Variants in EYS observed in about 807,000 individuals in gnomAD.
EYS encodes the protein EGF-like photoreceptor maintenance factor.
A neutral mutation model predicts 282.1 loss-of-function variants in EYS; 250 were observed. The observed-to-expected ratio is 0.89, with a 90% CI of 0.80 to 0.98. The LOEUF is 0.98. Among genes scored for constraint, EYS ranks in the 50% least tolerant of loss-of-function variants. The pLI, the probability that EYS is intolerant of heterozygous loss-of-function variation, is 0.00. For missense variants in EYS, 4,016 were observed against 3,709.0 expected (o/e 1.08, Z -2.15); for synonymous variants, 1,355 against 1,282.9 (o/e 1.06, Z -1.20).
intron 22 of EYS, among the ~76,000 whole-genome samples, chr6:64,678,813 C>A (rs1315333192): frequency 6.6e-6 from 1 of 151,872 alleles, no homozygotes; most frequent in Non-Finnish European, 1.5e-5. Flanking sequence ...GGTGAAACCC[C>A]GTCTCCACTA....
At chr6:65,126,989 C>T (rs1775737408) in intron 12 of EYS, among the ~76,000 whole-genome samples, 2 of 152,040 alleles carry the variant, frequency 1.3e-5, no homozygotes, top group Non-Finnish European at 2.9e-5. Context: ...TGATCAGAGG[C>T]TATTAGCAAT....
chr6:65,547,465 T>G (rs950337625), intron 2 of EYS, among the ~76,000 whole-genome samples: 1 of 152,040 alleles, frequency 6.6e-6, no homozygotes, highest in Admixed American at 6.6e-5. Flanking sequence ...CTTCTAGAAT[T>G]AGATCTATGT....
rs186277287 is a variant in EYS, at chr6:65,254,757, A to G, written c.2023+41106T>C. Among the ~76,000 whole-genome samples, 14 of 151,940 alleles carry G rather than the reference A, an allele frequency of 9.2e-5. No homozygotes were observed. The East Asian group carries it at 2.5e-3, about 27-fold the overall frequency. ...CTTGCGGAATAATGTTTCTTCTAAT[A>G]TTTATTTTCATATGAAATCAAAGAC... is the stretch of plus-strand genomic sequence containing the variant. On this transcript the variant is annotated intron_variant, in intron 12 of 42. Transcript: ENST00000503581.
At chr6:63,812,538 C>T (rs1771074942) in intron 36 of EYS, among the ~76,000 whole-genome samples, 1 of 152,140 alleles carries the variant, frequency 6.6e-6, no homozygotes, top group Non-Finnish European at 1.5e-5. Flanking sequence ...TCTCCCCACT[C>T]AGATTGCAGA....
intron 13 of EYS, among the ~76,000 whole-genome samples, chr6:65,053,438 C>A (rs1773329674): frequency 7.3e-6 from 1 of 137,418 alleles, no homozygotes; most frequent in Non-Finnish European, 1.7e-5. Context: ...AGTTATGAAT[C>A]TAACCTAGTA....
intron 29 of EYS, among the ~76,000 whole-genome samples, chr6:64,375,051 G>A (rs74991291): frequency 0.031 from 4,746 of 152,284 alleles, 233 homozygotes; most frequent in African/African-American, 0.11. Flanking sequence ...CTAAGGTTTT[G>A]GAGTTAGTTC....
Position 63,984,634 on chromosome 6 carries a change from T to C in EYS, c.6835-31A>G, listed in dbSNP as rs764189538. 30 of 1,413,642 alleles carry C rather than the reference T, an allele frequency of 2.1e-5. No individual in the cohort carries two copies. In the Middle Eastern group the frequency reaches 7.4e-4, roughly 35 times the overall value. 87.6% of individuals were successfully genotyped at this position (1,413,642 alleles called of 1,614,324 possible). On this transcript the variant is annotated intron_variant, in intron 34 of 42. Transcript: ENST00000503581. Reference sequence around the variant, plus strand: ...GAAAAAGTAACAACAAAAAATATTATAGGTTGTTGTCAGATTATGTGGAAA... The same window carrying C: ...GAAAAAGTAACAACAAAAAATATTACAGGTTGTTGTCAGATTATGTGGAAA...
At chr6:63,904,025 C>T (rs143445314) in intron 35 of EYS, among the ~76,000 whole-genome samples, 54 of 152,322 alleles carry the variant, frequency 3.5e-4, no homozygotes, top group African/African-American at 1.1e-3. Flanking sequence ...AGATAACTAG[C>T]GTTGCTCCAG....
At chr6:64,525,448 C>T (rs1032575160) in intron 26 of EYS, among the ~76,000 whole-genome samples, 4 of 151,510 alleles carry the variant, frequency 2.6e-5, no homozygotes, top group African/African-American at 9.7e-5. Flanking sequence ...CACATGTTCT[C>T]ACTTATAAAT....
At chr6:63,956,688 G>A (rs1317868564) in intron 35 of EYS, among the ~76,000 whole-genome samples, 1 of 152,092 alleles carries the variant, frequency 6.6e-6, no homozygotes, top group African/African-American at 2.4e-5. Flanking sequence ...ATTTAATCAA[G>A]CTAATTACCA....
intron 35 of EYS, among the ~76,000 whole-genome samples, chr6:63,966,752 C>T (rs560308660): frequency 3.9e-5 from 6 of 152,232 alleles, no homozygotes; most frequent in African/African-American, 1.4e-4. Flanking sequence ...AGCATTGTTA[C>T]AAGGATTAAC....
intron 2 of EYS, among the ~76,000 whole-genome samples, chr6:65,604,619 T>C (rs1765720954): frequency 2.0e-5 from 3 of 151,992 alleles, no homozygotes; most frequent in South Asian, 2.1e-4. Flanking sequence ...ATAAATAAAT[T>C]TGAACTCTAG....
At chr6:64,739,722 A>G (rs1390277) in intron 22 of EYS, among the ~76,000 whole-genome samples, 102,901 of 151,946 alleles carry the variant, frequency 0.68, 37,149 homozygotes, top group Non-Finnish European at 0.8. Context: ...ATTTACCACA[A>G]AATTCTGTAA....
intron 5 of EYS, among the ~76,000 whole-genome samples, chr6:65,476,185 C>A (rs894192762): frequency 1.8e-4 from 27 of 152,220 alleles, no homozygotes; most frequent in African/African-American, 6.3e-4. Flanking sequence ...CAAATGGTGG[C>A]CTCATCTACC....
rs751662384 is a variant in EYS, at chr6:64,479,733, T to C, written c.5645-40381A>G. 4.6e-5 allele frequency among the ~76,000 whole-genome samples: 7 copies of C among 151,982 alleles called. 1 individual carries two copies. The highest frequency in any genetic ancestry group is 1.0e-4 in the Non-Finnish European group (7 of 67,930). ...ACAGCTGTACTGACATGCTATTAGATACTGAATTATTTCTGTAGATGCTGA... is the reference window on the plus strand; with the variant it reads ...ACAGCTGTACTGACATGCTATTAGACACTGAATTATTTCTGTAGATGCTGA... On this transcript the variant is annotated intron_variant, in intron 26 of 42. Coordinates refer to ENST00000503581, the MANE Select transcript of EYS (RefSeq NM_001142800.2).
At chr6:65,327,351 A>T (rs1582144968) in intron 11 of EYS, among the ~76,000 whole-genome samples, 1 of 151,792 alleles carries the variant, frequency 6.6e-6, no homozygotes, top group East Asian at 1.9e-4. Context: ...GTTAATAACC[A>T]ATATGTCTTT....
chr6:65,689,799 C>G (rs1479330422), intron 1 of EYS, among the ~76,000 whole-genome samples: 1 of 149,894 alleles, frequency 6.7e-6, no homozygotes, highest in Non-Finnish European at 1.5e-5. Context: ...CTCAACCCAA[C>G]ATCGCCAGAT....
At chr6:64,974,356 A>G (rs1770402734) in intron 14 of EYS, among the ~76,000 whole-genome samples, 1 of 151,622 alleles carries the variant, frequency 6.6e-6, no homozygotes, top group African/African-American at 2.4e-5. Flanking sequence ...TTGTGATTCA[A>G]ACGGTCATTT....
intron 7 of EYS, among the ~76,000 whole-genome samples, chr6:65,388,597 A>AT (rs1381713216): frequency 6.6e-6 from 1 of 152,054 alleles, no homozygotes; most frequent in Non-Finnish European, 1.5e-5. Flanking sequence ...GGTCCTTGAG[A>AT]TATTCAGGAA....
Sources: gnomAD v4.1 joint callset for allele counts (sites outside exome capture counted in the v4.1 genomes callset) on GRCh38, gnomAD v4.1.1 for gene constraint, MANE v1.5 for transcripts, NCBI Gene and HGNC (gene_info 2026-07-23, HGNC 2026-07-21) for gene names.